The following CFAP300 variants were observed in gnomAD, a reference collection of about 807,000 sequenced individuals.
The protein encoded by CFAP300 is cilia and flagella associated protein 300, also known as cilia- and flagella-associated protein 300.
In CFAP300, 32 loss-of-function variants were observed where a neutral mutation model predicts 33.0. The ratio of observed to expected loss-of-function variants is 0.97; its 90% confidence interval spans 0.73 to 1.30. The LOEUF is 1.30. Ranked by LOEUF, CFAP300 falls within the 50% of genes most tolerant of loss-of-function variation. The pLI is 0.00. For missense variants in CFAP300, 356 were observed against 318.1 expected, an observed-to-expected ratio of 1.12 and a Z score of -0.90; for synonymous variants, 102 against 106.8, an observed-to-expected ratio of 0.95 and a Z score of 0.28.
chr11:102,059,066 C>T lies in CFAP300; in HGVS notation c.268+111C>T, dbSNP rs375783596. The T allele has an allele frequency of 1.3e-5, 8 of 611,200 alleles. No homozygotes were observed. In the African/African-American group the frequency reaches 1.3e-4, roughly 10 times the overall value. The allele number at this position is 611,200 out of a possible 1,614,324, so 37.9% of individuals were successfully genotyped here. On this transcript the variant is annotated intron_variant, in intron 3 of 6. Coordinates refer to ENST00000434758, the MANE Select transcript of CFAP300 (RefSeq NM_032930.3). The stretch of plus-strand genomic sequence containing the variant: ...TTGGGAATGACTCATCTGTTTGATA[C>T]ATCAAGATCAAATATGACCAGCTGT...
chr11:102,058,883 T>C lies in CFAP300; in HGVS notation c.196T>C (p.Phe66Leu). The C allele has an allele frequency of 4.5e-6, 7 of 1,572,140 alleles. No homozygotes were observed. The South Asian group carries it at 7.3e-5, about 16-fold the overall frequency. ...TCCCCTCAAATTTGTATTTTAGGCTTTTTTCAAAGACCCAAATGTTATTCC... is the reference window on the plus strand; with the variant it reads ...TCCCCTCAAATTTGTATTTTAGGCTCTTTTCAAAGACCCAAATGTTATTCC... The part of the protein sequence containing the change: ...SYRKDDFVMA[F>L]FKDPNVIPNL... The change falls in exon 3 of 7, where the codon TTT becomes CTT. Residue 66 changes from phenylalanine (F) to leucine (L), a missense_variant. Phe to Leu is a conservative substitution (Grantham distance 22, BLOSUM62 0). Coordinates refer to ENST00000434758, the MANE Select transcript of CFAP300 (RefSeq NM_032930.3).
At chr11:102,048,164 C>T (rs1387495772) in intron 2 of CFAP300, among the ~76,000 whole-genome samples, 3 of 152,088 alleles carry the variant, frequency 2.0e-5, no homozygotes, top group Non-Finnish European at 4.4e-5. Context: ...TGGAAGATCG[C>T]GCGCTCTCTA....
chr11:102,080,900 AG>A (rs1305025042), intron 5 of CFAP300, among the ~76,000 whole-genome samples: 1 of 152,184 alleles, frequency 6.6e-6, no homozygotes, highest in Admixed American at 6.6e-5. Context: ...TTTACACTTC[AG>A]TCTGATTTTT....
chr11:102,066,789 C>A, intron 4 of CFAP300, 138 bp downstream of exon 4: 1 of 666,370 alleles, frequency 1.5e-6, no homozygotes, highest in Non-Finnish European at 2.4e-6. Context: ...CGGTAATAAT[C>A]CTAACATTGG....
intron 5 of CFAP300, among the ~76,000 whole-genome samples, chr11:102,078,139 T>C (rs146298761): frequency 6.6e-6 from 1 of 152,082 alleles, no homozygotes; most frequent in African/African-American, 2.4e-5. Flanking sequence ...GTGATTCACC[T>C]GCCTCAGCCT....
Position 102,083,087 on chromosome 11 carries a change from G to A in CFAP300, c.692G>A (p.Cys231Tyr), listed in dbSNP as rs544475974. The A allele has an allele frequency of 9.8e-5, 149 of 1,514,578 alleles. No homozygotes were observed. Among genetic ancestry groups the A allele is most frequent in the Non-Finnish European group, 1.2e-4 (135 of 1,128,516 alleles). 93.8% of individuals were successfully genotyped at this position (1,514,578 alleles called of 1,614,324 possible). The change falls in exon 7 of 7, where the codon TGC becomes TAC. Residue 231 changes from cysteine (C) to tyrosine (Y), a missense_variant. By Grantham distance (194) the Cys-to-Tyr change is radical. Coordinates refer to ENST00000434758, the MANE Select transcript of CFAP300 (RefSeq NM_032930.3). ...KVSAYDSAGM[C>Y]YPSAKNHEQT... ...CTTTTTCAGGATTCTGCTGGTATGT[G>A]CTATCCTTCAGCAAAGAATCATGAA...
At chr11:102,070,799 A>G (rs1171750449) in intron 4 of CFAP300, among the ~76,000 whole-genome samples, 2 of 136,724 alleles carry the variant, frequency 1.5e-5, no homozygotes, top group Non-Finnish European at 1.5e-5. Flanking sequence ...TTGTTCATTT[A>G]CTCACTGGTC....
intron 2 of CFAP300, 37 bp downstream of exon 2, chr11:102,047,933 C>A: frequency 6.3e-7 from 1 of 1,597,584 alleles, no homozygotes; most frequent in Non-Finnish European, 8.6e-7. Flanking sequence ...TGGGTCTCTG[C>A]GGATTTTTAA....
chr11:102,048,387 T>TA (rs955565629), intron 2 of CFAP300, among the ~76,000 whole-genome samples: 3 of 138,182 alleles, frequency 2.2e-5, no homozygotes, highest in Admixed American at 1.5e-4. Flanking sequence ...TCCAGCTAAT[T>TA]AAAAAAAATT....
intron 5 of CFAP300, among the ~76,000 whole-genome samples, chr11:102,079,289 T>C (rs1276480025): frequency 6.6e-6 from 1 of 152,238 alleles, no homozygotes; most frequent in East Asian, 1.9e-4. Flanking sequence ...TAGGTGATTA[T>C]ATAGGTGTAT....
intron 3 of CFAP300, 31 bp downstream of exon 3, chr11:102,058,986 A>G: frequency 7.6e-7 from 1 of 1,320,006 alleles, no homozygotes; most frequent in Non-Finnish European, 1.0e-6. Flanking sequence ...TTCAGATACT[A>G]TTTTACTATT....
At chr11:102,062,690 C>T (rs1942165301) in intron 3 of CFAP300, among the ~76,000 whole-genome samples, 1 of 152,116 alleles carries the variant, frequency 6.6e-6, no homozygotes, top group African/African-American at 2.4e-5. Flanking sequence ...AATGAACAAA[C>T]ATTTGAAGAT....
At chr11:102,055,192 G>A (rs1442641211) in intron 2 of CFAP300, among the ~76,000 whole-genome samples, 1 of 151,916 alleles carries the variant, frequency 6.6e-6, no homozygotes, top group African/African-American at 2.4e-5. Flanking sequence ...TGTTGGTCAG[G>A]TTAGTCTTGA....
intron 4 of CFAP300, among the ~76,000 whole-genome samples, chr11:102,069,038 A>AT (rs1334983163): frequency 2.0e-5 from 3 of 151,962 alleles, no homozygotes; most frequent in Non-Finnish European, 2.9e-5. Flanking sequence ...ATCAGTGGAC[A>AT]TTTTTTTTAA....
intron 2 of CFAP300, among the ~76,000 whole-genome samples, chr11:102,052,616 C>A (rs773685985): frequency 5.9e-5 from 9 of 152,152 alleles, no homozygotes; most frequent in Non-Finnish European, 1.0e-4. Flanking sequence ...TGTAAATAAT[C>A]CTCAGCTCAC....
chr11:102,075,772 A>G (rs935335739), intron 4 of CFAP300, 101 bp from the exon 5 acceptor site: 25 of 884,976 alleles, frequency 2.8e-5, no homozygotes, highest in Admixed American at 8.6e-5. Context: ...TGGTTCTTAA[A>G]ATAGGTGTAA....
chr11:102,066,240 G>T (rs1439337182), intron 3 of CFAP300, among the ~76,000 whole-genome samples: 2 of 152,086 alleles, frequency 1.3e-5, no homozygotes, highest in Non-Finnish European at 2.9e-5. Flanking sequence ...TTCCAAAAGT[G>T]CTGGGATTAC....
In CFAP300 at chr11:102,083,361, T is replaced by C. The variant is rs1942504072; in HGVS notation, c.*162T>C. On this transcript the variant is annotated 3_prime_UTR_variant, in exon 7 of 7. Coordinates refer to ENST00000434758, the MANE Select transcript of CFAP300 (RefSeq NM_032930.3). ...AACACCAAGATGCCTTTTTAAAAAT[T>C]TGTGTGGAATACTAACCGGGGATCA... The C allele has an allele frequency of 2.4e-6, 1 of 417,122 alleles. No homozygotes were observed. Among genetic ancestry groups the C allele is most frequent in the African/African-American group, 2.1e-5 (1 of 48,160 alleles). The allele number at this position is 417,122 out of a possible 1,614,324, so 25.8% of individuals were successfully genotyped here.
intron 6 of CFAP300, among the ~76,000 whole-genome samples, chr11:102,082,372 C>A (rs1447892569): frequency 6.6e-6 from 1 of 150,798 alleles, no homozygotes; most frequent in Non-Finnish European, 1.5e-5. Flanking sequence ...GAGTAAGACT[C>A]CAACTCCAAA....
Sources: gnomAD v4.1 joint callset for allele counts (sites outside exome capture counted in the v4.1 genomes callset) on GRCh38, gnomAD v4.1.1 for gene constraint, MANE v1.5 for transcripts, NCBI Gene and HGNC (gene_info 2026-07-23, HGNC 2026-07-21) for gene names.